The following SLC35F4 variants were observed in gnomAD, a reference collection of about 807,000 sequenced individuals.
SLC35F4 encodes the protein chromosome 14 open reading frame 36.
Under a neutral mutation model 44.2 loss-of-function variants are expected in SLC35F4, and 24 were observed. That is an observed-to-expected ratio of 0.54 (90% CI 0.39 to 0.76). SLC35F4 has a LOEUF of 0.76. Ranked by LOEUF, SLC35F4 falls within the 30% of genes least tolerant of loss-of-function variation. SLC35F4 has a pLI of 0.00. For missense variants in SLC35F4, 562 were observed against 586.1 expected, an observed-to-expected ratio of 0.96 and a Z score of 0.42; for synonymous variants, 238 against 223.6, an observed-to-expected ratio of 1.06 and a Z score of -0.57.
chr14:57,977,313 C>T (rs763514261), intron 1 of SLC35F4, among the ~76,000 whole-genome samples: 4 of 152,186 alleles, frequency 2.6e-5, no homozygotes, highest in Non-Finnish European at 4.4e-5. Context: ...GCCGCTTGAA[C>T]CACATGGCCC....
chr14:57,754,098 CTTTTTT>C (rs1200175550), intron 1 of SLC35F4, among the ~76,000 whole-genome samples: 2 of 110,444 alleles, frequency 1.8e-5, no homozygotes, highest in African/African-American at 3.7e-5. Flanking sequence ...TAACCCAATG[CTTTTTT>C]TTTTTTTTTT....
chr14:57,796,574 C>T (rs1483288823), intron 1 of SLC35F4, among the ~76,000 whole-genome samples: 1 of 152,132 alleles, frequency 6.6e-6, no homozygotes, highest in Non-Finnish European at 1.5e-5. Context: ...TAAATAAAAG[C>T]ATTAAGAGCA....
At chr14:57,834,140 A>C (rs772210701) in intron 1 of SLC35F4, among the ~76,000 whole-genome samples, 4 of 152,238 alleles carry the variant, frequency 2.6e-5, no homozygotes, top group Non-Finnish European at 5.9e-5. Context: ...ACTTTCCCAG[A>C]GAACAAGTCA....
intron 1 of SLC35F4, among the ~76,000 whole-genome samples, chr14:57,916,009 CG>C (rs1357113479): frequency 3.9e-5 from 6 of 152,060 alleles, no homozygotes; most frequent in Admixed American, 3.3e-4. Context: ...TGTTTTAGTT[CG>C]TTTTCTGTTG....
rs540946571 is a variant in SLC35F4 at position 57,664,712 on chromosome 14, T to C, written c.104-70588A>G. The stretch of plus-strand genomic sequence containing the variant: ...AGGCGTAAGCCACTGTGTCCGGCAG[T>C]CCAGTTCTAAACTGCGGATTACACA... On this transcript the variant is annotated intron_variant, in intron 1 of 7. Coordinates refer to ENST00000556826, the MANE Select transcript of SLC35F4 (RefSeq NM_001306087.2). 1.1e-4 allele frequency among the ~76,000 whole-genome samples: 16 copies of C among 152,244 alleles called. No individual in the cohort carries two copies. In the South Asian group the frequency reaches 2.7e-3, roughly 26 times the overall value.
In SLC35F4 at chr14:57,577,480, TCAAGGAAATTGGAAAATA is replaced by T. The variant is rs372201721; in HGVS notation, c.807+3716_807+3733del. 1.1e-3 allele frequency among the ~76,000 whole-genome samples: 171 copies of T among 152,118 alleles called. 1 individual carries two copies. The highest frequency in any genetic ancestry group is 4.0e-3 in the African/African-American group (164 of 41,506). ...CCAACCACCAACATTCTCCATATCT[TCAAGGAAATTGGAAAATA>T]TAAGAAAAATTTGAATGAATAGTAT... On this transcript the variant is annotated intron_variant, in intron 4 of 7. Coordinates refer to ENST00000556826, the MANE Select transcript of SLC35F4 (RefSeq NM_001306087.2).
At chr14:57,966,119 C>T (rs534991206) in intron 1 of SLC35F4, among the ~76,000 whole-genome samples, 5 of 152,312 alleles carry the variant, frequency 3.3e-5, no homozygotes, top group South Asian at 2.1e-4. Flanking sequence ...TCTTTCATGA[C>T]GCTGATGCAA....
At chr14:57,579,200 C>A (rs1282768351) in intron 4 of SLC35F4, among the ~76,000 whole-genome samples, 15 of 152,182 alleles carry the variant, frequency 9.9e-5, no homozygotes, top group African/African-American at 3.6e-4. Context: ...TTAATAATAT[C>A]TGCAAGGACC....
intron 1 of SLC35F4, among the ~76,000 whole-genome samples, chr14:57,862,999 AC>A (rs940406879): frequency 1.3e-5 from 2 of 151,982 alleles, no homozygotes; most frequent in African/African-American, 4.9e-5. Flanking sequence ...TACCTAAGTA[AC>A]CACACTATGC....
intron 1 of SLC35F4, among the ~76,000 whole-genome samples, chr14:57,732,593 G>GT (rs2076368217): frequency 6.6e-6 from 1 of 152,136 alleles, no homozygotes; most frequent in African/African-American, 2.4e-5. Context: ...TTCAATTGTA[G>GT]TAACTGGGCA....
At chr14:57,837,899 T>C (rs1885095816) in intron 1 of SLC35F4, among the ~76,000 whole-genome samples, 1 of 152,218 alleles carries the variant, frequency 6.6e-6, no homozygotes, top group African/African-American at 2.4e-5. Context: ...ATGGCTCCCC[T>C]TTCATACAGG....
chr14:57,586,761 A>T (rs2069767176), intron 3 of SLC35F4, among the ~76,000 whole-genome samples: 1 of 149,412 alleles, frequency 6.7e-6, no homozygotes, highest in Admixed American at 6.7e-5. Flanking sequence ...TTCATGACTA[A>T]AACACCAAAA....
intron 1 of SLC35F4, among the ~76,000 whole-genome samples, chr14:57,751,941 T>A (rs1241909465): frequency 6.6e-6 from 1 of 152,044 alleles, no homozygotes; most frequent in Non-Finnish European, 1.5e-5. Context: ...TCTCTCTGTG[T>A]GTGTGTGTGT....
intron 1 of SLC35F4, among the ~76,000 whole-genome samples, chr14:57,623,432 C>T (rs2072306330): frequency 6.6e-6 from 1 of 152,158 alleles, no homozygotes; most frequent in Non-Finnish European, 1.5e-5. Context: ...ATATCCACGA[C>T]TTGAACTCAG....
intron 1 of SLC35F4, among the ~76,000 whole-genome samples, chr14:57,657,186 G>A (rs2073996152): frequency 6.6e-6 from 1 of 152,198 alleles, no homozygotes; most frequent in South Asian, 2.1e-4. Flanking sequence ...GCTTTCAAGT[G>A]TATGTTTTAC....
At chr14:57,703,488 C>T (rs146901999) in intron 1 of SLC35F4, among the ~76,000 whole-genome samples, 8 of 152,284 alleles carry the variant, frequency 5.3e-5, no homozygotes, top group South Asian at 2.1e-4. Flanking sequence ...CCATCACCTA[C>T]GCTGTCCAAA....
At chr14:57,723,212 AT>A (rs1344706288) in intron 1 of SLC35F4, among the ~76,000 whole-genome samples, 1 of 152,170 alleles carries the variant, frequency 6.6e-6, no homozygotes, top group Non-Finnish European at 1.5e-5. Context: ...TCCTGTGGTT[AT>A]TTCCCCAGTG....
At chr14:57,813,473 C>T (rs1198624473) in intron 1 of SLC35F4, among the ~76,000 whole-genome samples, 1 of 151,956 alleles carries the variant, frequency 6.6e-6, no homozygotes, top group East Asian at 1.9e-4. Context: ...GCCTGTAGTC[C>T]CAGCTACACG....
intron 3 of SLC35F4, among the ~76,000 whole-genome samples, chr14:57,586,133 T>C (rs1345910873): frequency 1.3e-5 from 2 of 152,096 alleles, no homozygotes; most frequent in Non-Finnish European, 2.9e-5. Flanking sequence ...AACAGAGATA[T>C]AGACCAATGG....
Sources: gnomAD v4.1 joint callset for allele counts (sites outside exome capture counted in the v4.1 genomes callset) on GRCh38, gnomAD v4.1.1 for gene constraint, MANE v1.5 for transcripts, NCBI Gene and HGNC (gene_info 2026-07-23, HGNC 2026-07-21) for gene names.